ADCY1: variants seen among roughly 807,000 people sequenced by gnomAD.
ADCY1 encodes adenylate cyclase 1.
A neutral mutation model predicts 105.4 loss-of-function variants in ADCY1; 28 were observed. The ratio of observed to expected loss-of-function variants is 0.27; its 90% CI spans 0.20 to 0.36. The LOEUF is 0.36. ADCY1 is among the 10% of genes least tolerant of loss of function. ADCY1 has a pLI of 1.00. For missense variants in ADCY1, 977 were observed against 1,434.2 expected (o/e 0.68, Z 5.15); for synonymous variants, 655 against 623.8 (o/e 1.05, Z -0.75).
intron 11 of ADCY1, among the ~76,000 whole-genome samples, chr7:45,680,988 T>C (rs1370410516): frequency 1.3e-5 from 2 of 152,256 alleles, no homozygotes; most frequent in Non-Finnish European, 1.5e-5. Flanking sequence ...GGATGTACAC[T>C]GCTTTCTGTG....
At chr7:45,577,688 A>G (rs1005913003) in intron 1 of ADCY1, among the ~76,000 whole-genome samples, 1 of 152,188 alleles carries the variant, frequency 6.6e-6, no homozygotes, top group Non-Finnish European at 1.5e-5. Context: ...AAATGGAGTG[A>G]ATGAACGAAG....
intron 1 of ADCY1, among the ~76,000 whole-genome samples, chr7:45,583,503 C>T (rs1191298478): frequency 2.0e-5 from 3 of 152,176 alleles, no homozygotes; most frequent in Non-Finnish European, 2.9e-5. Context: ...ACAGTGTTTC[C>T]TTGTTTCCTT....
At chr7:45,604,732 A>G (rs2115835335) in intron 2 of ADCY1, among the ~76,000 whole-genome samples, 1 of 152,316 alleles carries the variant, frequency 6.6e-6, no homozygotes, top group East Asian at 1.9e-4. Context: ...TTGTTTTATA[A>G]CAAGCCTTGA....
At chr7:45,596,499 A>G (rs1399299161) in intron 2 of ADCY1, among the ~76,000 whole-genome samples, 1 of 152,004 alleles carries the variant, frequency 6.6e-6, no homozygotes, top group Non-Finnish European at 1.5e-5. Flanking sequence ...GATCTGGGGG[A>G]CACACCTTGG....
chr7:45,641,931 T>TAAAAA (rs1794535377), intron 4 of ADCY1, among the ~76,000 whole-genome samples: 1 of 672 alleles, frequency 1.5e-3, no homozygotes, highest in African/African-American at 5.2e-3. Flanking sequence ...AGACTCCGTC[T>TAAAAA]CAAAAAAAAA....
rs1004945423 is a variant in ADCY1 at position 45,657,638 on chromosome 7, G to T, written c.1149-89G>T. On this transcript the variant is annotated intron_variant, in intron 5 of 19. Coordinates refer to ENST00000297323, the MANE Select transcript of ADCY1 (RefSeq NM_021116.4). ...GCAAGGACAAGACCCAGTTTCCCTG[G>T]TGCTCACAGCCTAGCAGTGCAGACC... The T allele has an allele frequency of 5.8e-6, 8 of 1,374,580 alleles. No homozygotes were observed. The African/African-American group carries it at 1.1e-4, about 20-fold the overall frequency. 85.1% of individuals were successfully genotyped at this position (1,374,580 alleles called of 1,614,324 possible).
In ADCY1 at chr7:45,686,600, TCTC is replaced by T; in HGVS notation, c.2384_2386del (p.Ser795del). On this transcript the variant is annotated inframe_deletion, in exon 14 of 20. Coordinates refer to ENST00000297323, the MANE Select transcript of ADCY1 (RefSeq NM_021116.4). The surrounding 1 kb of genome is among the most constrained non-coding windows in gnomAD (Gnocchi z 4.3). ...GAGCCGATTGTGGCCATCCTGCTCT[TCTC>T]CTGTGCGCTGGCCCTGCATGCCAGG... The T allele has an allele frequency of 6.2e-7, 1 of 1,613,724 alleles. No individual in the cohort carries two copies. Among genetic ancestry groups the T allele is most frequent in the Non-Finnish European group, 8.5e-7 (1 of 1,179,722 alleles).
chr7:45,707,554 T>C (rs1427307257), intron 17 of ADCY1, among the ~76,000 whole-genome samples: 1 of 151,950 alleles, frequency 6.6e-6, no homozygotes, highest in East Asian at 1.9e-4. Flanking sequence ...GCAGGGAGGA[T>C]TTTCAGGGCA....
intron 5 of ADCY1, among the ~76,000 whole-genome samples, chr7:45,649,342 G>A (rs1794751667): frequency 6.6e-6 from 1 of 152,176 alleles, no homozygotes; most frequent in East Asian, 1.9e-4. Flanking sequence ...CCTTATCAGA[G>A]ACTGGGATGA....
intron 8 of ADCY1, among the ~76,000 whole-genome samples, chr7:45,667,928 T>C (rs1784292364): frequency 6.6e-6 from 1 of 152,194 alleles, no homozygotes; most frequent in Non-Finnish European, 1.5e-5. Flanking sequence ...TTAGCTCTGT[T>C]TGTCTGTTAT....
intron 8 of ADCY1, among the ~76,000 whole-genome samples, chr7:45,666,750 T>A (rs866850374): frequency 5.1e-4 from 77 of 152,334 alleles, no homozygotes; most frequent in Admixed American, 9.8e-4. Context: ...ACCAACAGTG[T>A]AAAAGTGTTC....
intron 8 of ADCY1, among the ~76,000 whole-genome samples, chr7:45,663,824 A>G (rs1242401579): frequency 6.6e-6 from 1 of 152,084 alleles, no homozygotes; most frequent in Non-Finnish European, 1.5e-5. Flanking sequence ...GTCTCAAAAA[A>G]AAAAAAGAAA....
At chr7:45,606,789 G>A (rs1029180039) in intron 2 of ADCY1, among the ~76,000 whole-genome samples, 1 of 152,086 alleles carries the variant, frequency 6.6e-6, no homozygotes, top group Non-Finnish European at 1.5e-5. Flanking sequence ...TTTTTATATA[G>A]CCTTTATAGG....
intron 8 of ADCY1, among the ~76,000 whole-genome samples, chr7:45,664,841 C>G (rs539945323): frequency 6.6e-6 from 1 of 152,214 alleles, no homozygotes; most frequent in African/African-American, 2.4e-5. Context: ...TATACATGTT[C>G]CATGGTGGTT....
rs1473366147 is a variant in ADCY1, at chr7:45,712,068, T to A, written c.3057+1416T>A. 5.4e-4 allele frequency among the ~76,000 whole-genome samples: 71 copies of A among 131,796 alleles called. 1 individual carries two copies. In the East Asian group the frequency reaches 0.012, roughly 23 times the overall value. The allele number at this position is 131,796 out of a possible 152,430, so 86.5% of individuals were successfully genotyped here. ...TATATAATATATTAAATATATATTT[T>A]ATATATTATATTAAATATATAATAT... On this transcript the variant is annotated intron_variant, in intron 19 of 19. Coordinates refer to ENST00000297323, the MANE Select transcript of ADCY1 (RefSeq NM_021116.4).
chr7:45,598,921 T>A (rs770622053), intron 2 of ADCY1, among the ~76,000 whole-genome samples: 4 of 152,156 alleles, frequency 2.6e-5, no homozygotes, highest in Non-Finnish European at 5.9e-5. Flanking sequence ...TCTTTCTCAG[T>A]CTTGTTTTCA....
chr7:45,575,219 C>G lies in ADCY1; in HGVS notation c.639+37C>G. 2 of 1,540,682 alleles carry G rather than the reference C, an allele frequency of 1.3e-6. No homozygotes were observed. The highest frequency in any genetic ancestry group is 1.7e-6 in the Non-Finnish European group (2 of 1,147,592). On this transcript the variant is annotated intron_variant, in intron 1 of 19. Transcript: ENST00000297323. This position sits in a 1 kb window ranked among gnomAD's most constrained non-coding sequence, Gnocchi z 4.7. ...CGCGCACCCCTCATCTGGTCTCGGA[C>G]ACACTTGCTGGGACGATGCTGGGAA... is the stretch of plus-strand genomic sequence containing the variant.
intron 14 of ADCY1, among the ~76,000 whole-genome samples, chr7:45,697,972 A>G (rs899342933): frequency 6.6e-6 from 1 of 152,022 alleles, no homozygotes; most frequent in Non-Finnish European, 1.5e-5. Flanking sequence ...CAGCTCATGA[A>G]CTCCAATTCC....
intron 2 of ADCY1, among the ~76,000 whole-genome samples, chr7:45,600,841 T>G (rs1793210048): frequency 6.6e-6 from 1 of 152,130 alleles, no homozygotes; most frequent in Non-Finnish European, 1.5e-5. Flanking sequence ...TCTCCTGATT[T>G]CCTCTTAGGA....
Sources: gnomAD v4.1 joint callset for allele counts (sites outside exome capture counted in the v4.1 genomes callset) on GRCh38, gnomAD v4.1.1 for gene constraint, Gnocchi (gnomAD v3.1) non-coding constraint, MANE v1.5 for transcripts, NCBI Gene and HGNC (gene_info 2026-07-23, HGNC 2026-07-21) for gene names.